Variants in SLC16A1 observed in about 807,000 individuals in gnomAD.
SLC16A1 encodes solute carrier family 16 member 1.
In SLC16A1, 11 loss-of-function variants were observed where a neutral mutation model predicts 32.2. The observed-to-expected ratio is 0.34, with a 90% CI of 0.21 to 0.56. SLC16A1 has a LOEUF of 0.56. Among genes scored for constraint, SLC16A1 ranks in the 20% least tolerant of loss-of-function variants. SLC16A1 has a pLI of 0.87. For synonymous variants in SLC16A1, 231 were observed against 226.8 expected, an observed-to-expected ratio of 1.02 and a Z score of -0.17; for missense variants, 435 against 615.0, an observed-to-expected ratio of 0.71 and a Z score of 3.10.
At chr1:112,928,099 A>T (rs1248189306) in intron 2 of SLC16A1, among the ~76,000 whole-genome samples, 4 of 152,210 alleles carry the variant, frequency 2.6e-5, no homozygotes, top group Non-Finnish European at 5.9e-5. Context: ...TAGACAAAAT[A>T]GGCCTATGTT....
intron 3 of SLC16A1, among the ~76,000 whole-genome samples, chr1:112,919,879 C>A (rs980324978): frequency 1.3e-5 from 2 of 152,156 alleles, no homozygotes; most frequent in African/African-American, 2.4e-5. Context: ...TTCCCTGTCA[C>A]AACACTCAGT....
intron 2 of SLC16A1, among the ~76,000 whole-genome samples, chr1:112,925,002 A>AT (rs1648889297): frequency 1.3e-5 from 2 of 152,220 alleles, no homozygotes; most frequent in Admixed American, 1.3e-4. Flanking sequence ...ATTAAATCAG[A>AT]TAACAGTCAA....
chr1:112,940,745 T>C (rs1260707434), intron 1 of SLC16A1, among the ~76,000 whole-genome samples: 1 of 152,218 alleles, frequency 6.6e-6, no homozygotes, highest in Non-Finnish European at 1.5e-5. Flanking sequence ...ATAAAAAGTA[T>C]GCACATACTT....
intron 1 of SLC16A1, among the ~76,000 whole-genome samples, chr1:112,944,150 C>A (rs2101647839): frequency 6.6e-6 from 1 of 152,046 alleles, no homozygotes; most frequent in East Asian, 1.9e-4. Flanking sequence ...CATGTATTAC[C>A]TGATAGTAAA....
At chr1:112,950,261 A>G (rs1570648634) in intron 1 of SLC16A1, among the ~76,000 whole-genome samples, 1 of 152,248 alleles carries the variant, frequency 6.6e-6, no homozygotes, top group Non-Finnish European at 1.5e-5. Context: ...GAGCAGGTCA[A>G]TAAAGTACAA....
chr1:112,917,694 G>A lies in SLC16A1; in HGVS notation c.712C>T (p.Pro238Ser). 6.2e-7 allele frequency: 1 copy of A among 1,614,140 alleles called. No homozygotes were observed. The highest frequency in any genetic ancestry group is 8.5e-7 in the Non-Finnish European group (1 of 1,180,030). ...AAGACTGATCGTTTCTCTTGTTTAG[G>A]GTGTCTTCCAATAAGATCTGTATTT... ...DANTDLIGRHPKQEKRSVFQT... is the reference protein window; with the variant it reads ...DANTDLIGRHSKQEKRSVFQT... The change falls in exon 4 of 5, where the codon CCT becomes TCT. Residue 238 changes from proline to serine, a missense_variant. Pro to Ser is a moderately conservative substitution (Grantham distance 74). Transcript: ENST00000369626. This position sits in a 1 kb window ranked among gnomAD's most constrained non-coding sequence, Gnocchi z 4.1.
chr1:112,935,844 G>C (rs983695364), intron 1 of SLC16A1: 1 of 150,912 alleles, frequency 6.6e-6, no homozygotes, highest in Non-Finnish European at 1.5e-5. Context: ...TTCAAATATT[G>C]CTTCTCCCCC....
At chr1:112,948,093 G>A (rs773955546) in intron 1 of SLC16A1, among the ~76,000 whole-genome samples, 10 of 152,082 alleles carry the variant, frequency 6.6e-5, no homozygotes, top group South Asian at 2.1e-4. Flanking sequence ...GGTGGTATGC[G>A]CCTATAATCC....
intron 1 of SLC16A1, chr1:112,935,710 A>T (rs1350164123): frequency 2.0e-5 from 3 of 152,228 alleles, no homozygotes; most frequent in African/African-American, 7.2e-5. Flanking sequence ...GTTTGAGAAA[A>T]CAAGATAAAG....
intron 1 of SLC16A1, among the ~76,000 whole-genome samples, chr1:112,941,317 T>C (rs1214123028): frequency 3.4e-5 from 5 of 148,610 alleles, no homozygotes; most frequent in African/African-American, 1.3e-4. Context: ...GTTTCGCTCT[T>C]GCTGCCCAGG....
At chr1:112,920,903 GC>G (rs957849034) in intron 3 of SLC16A1, among the ~76,000 whole-genome samples, 3 of 152,106 alleles carry the variant, frequency 2.0e-5, no homozygotes, top group African/African-American at 7.2e-5. Context: ...ACTTTGGGAG[GC>G]CGAGGCAGGC....
At chr1:112,938,710 A>G (rs1557852827) in intron 1 of SLC16A1, among the ~76,000 whole-genome samples, 1 of 152,164 alleles carries the variant, frequency 6.6e-6, no homozygotes, top group East Asian at 1.9e-4. Context: ...TCGAATGCTT[A>G]AAGAAGGATT....
At chr1:112,919,059 C>T (rs188947344) in intron 3 of SLC16A1, among the ~76,000 whole-genome samples, 15 of 107,934 alleles carry the variant, frequency 1.4e-4, no homozygotes, top group Admixed American at 1.3e-3. Context: ...GAGACAGAGT[C>T]TTGCTCTGCC....
chr1:112,956,190 C>T lies in SLC16A1; in HGVS notation c.-200G>A, dbSNP rs1352846099. On this transcript the variant is annotated 5_prime_UTR_variant, in exon 1 of 5. Transcript: ENST00000369626. ...GCTAGCCAGTCACGTCGCAGCTCAC[C>T]ACTTTGTCTGGCCGGGCCAGCGAGG... 6.6e-6 allele frequency: 1 copy of T among 152,496 alleles called. No homozygotes were observed. Among genetic ancestry groups the T allele is most frequent in the Non-Finnish European group, 1.5e-5 (1 of 68,290 alleles). 9.4% of individuals were successfully genotyped at this position (152,496 alleles called of 1,614,324 possible). A position where few individuals can be genotyped will look rare whatever the true frequency, so the allele number is the denominator to read the frequency against.
chr1:112,922,031 T>A lies in SLC16A1; in HGVS notation c.320A>T (p.Asn107Ile), dbSNP rs1648754419. The A allele has an allele frequency of 6.2e-7, 1 of 1,614,164 alleles. No homozygotes were observed. ...GCGLIAASFC[N>I]TVQQLYVCIG... ...ACAGACGTATAGTTGCTGTACGGTG[T>A]TACAGAAAGAAGCTGCAATCAAGCC... Residue 107 changes from asparagine to isoleucine, a missense_variant, in exon 3 of 5, where the codon AAC (asparagine) becomes ATC (isoleucine). Physicochemically the swap from Asn to Ile is moderately radical, Grantham distance 149. Coordinates refer to ENST00000369626, the MANE Select transcript of SLC16A1 (RefSeq NM_003051.4).
At chr1:112,943,595 C>T (rs1203411158) in intron 1 of SLC16A1, among the ~76,000 whole-genome samples, 5 of 150,980 alleles carry the variant, frequency 3.3e-5, no homozygotes, top group Admixed American at 2.6e-4. Context: ...TGAGACCAGC[C>T]TGGCCAACAT....
intron 1 of SLC16A1, among the ~76,000 whole-genome samples, chr1:112,930,764 G>C (rs986463629): frequency 7.2e-5 from 10 of 139,112 alleles, no homozygotes; most frequent in Non-Finnish European, 1.2e-4. Flanking sequence ...TCACTCTGTC[G>C]CCCGGGCTGG....
intron 4 of SLC16A1, 136 bp from the exon 5 acceptor site, chr1:112,914,301 A>C: frequency 1.1e-6 from 1 of 904,742 alleles, no homozygotes; most frequent in Non-Finnish European, 1.7e-6. Flanking sequence ...AATTAGTATA[A>C]GGAATTGCTG....
At chr1:112,929,439 G>A in intron 1 of SLC16A1, 87 bp from the exon 2 acceptor site, 1 of 775,030 alleles carries the variant, frequency 1.3e-6, no homozygotes, top group Non-Finnish European at 2.2e-6. Flanking sequence ...GCCAATCGTG[G>A]TGGATCATGC....
Sources: gnomAD v4.1 joint callset for allele counts (sites outside exome capture counted in the v4.1 genomes callset) on GRCh38, gnomAD v4.1.1 for gene constraint, Gnocchi (gnomAD v3.1) non-coding constraint, MANE v1.5 for transcripts, NCBI Gene and HGNC (gene_info 2026-07-23, HGNC 2026-07-21) for gene names.